The following TNFSF4 variants were observed in gnomAD, a reference collection of about 807,000 sequenced individuals.
TNFSF4 encodes the protein tumor necrosis factor ligand superfamily member 4.
Under a neutral mutation model 7.3 loss-of-function variants are expected in TNFSF4, and 4 were observed. That is an observed-to-expected ratio of 0.55 (90% CI 0.27 to 1.25). TNFSF4 has a LOEUF of 1.25. Among genes scored for constraint, TNFSF4 ranks in the 50% most tolerant of loss-of-function variants. The probability of loss-of-function intolerance (pLI) is 0.12; values close to 1 mark genes in which losing one functional copy is unlikely to be tolerated. For synonymous variants in TNFSF4, 76 were observed against 83.7 expected (o/e 0.91, Z 0.50); for missense variants, 181 against 208.8 (o/e 0.87, Z 0.82).
the TNFSF4 span, among the ~76,000 whole-genome samples, chr1:173,418,830 G>C: frequency 2.6e-5 from 4 of 152,180 alleles, no homozygotes; most frequent in Non-Finnish European, 4.4e-5. Context: ...CCCAGAGGTA[G>C]TGGCTGTGGA....
At chr1:173,430,044 C>A in the TNFSF4 span, among the ~76,000 whole-genome samples, 1 of 152,090 alleles carries the variant, frequency 6.6e-6, no homozygotes, top group African/African-American at 2.4e-5. Flanking sequence ...AGGGCCTCGC[C>A]CACAGCTGCT....
the TNFSF4 span, among the ~76,000 whole-genome samples, chr1:173,394,915 G>GAT: frequency 4.5e-3 from 669 of 150,124 alleles, 3 homozygotes; most frequent in African/African-American, 0.016. Flanking sequence ...TATTTAGATA[G>GAT]ATAGAGATAG....
the TNFSF4 span, among the ~76,000 whole-genome samples, chr1:173,432,060 C>G: frequency 6.6e-6 from 1 of 152,128 alleles, no homozygotes; most frequent in South Asian, 2.1e-4. Context: ...TGGCTAAGAC[C>G]TAAGAGGGTA....
At chr1:173,227,469 G>C in the TNFSF4 span, among the ~76,000 whole-genome samples, 14 of 152,310 alleles carry the variant, frequency 9.2e-5, no homozygotes, top group African/African-American at 3.4e-4. Context: ...AATAGGAACA[G>C]CTCCAGTCTA....
chr1:173,428,126 G>A, the TNFSF4 span, among the ~76,000 whole-genome samples: 1 of 151,642 alleles, frequency 6.6e-6, no homozygotes, highest in African/African-American at 2.4e-5. Flanking sequence ...TTTTATTTTA[G>A]TAAAGACAAT....
the TNFSF4 span, chr1:173,418,646 A>G: frequency 7.9e-5 from 12 of 152,186 alleles, no homozygotes; most frequent in African/African-American, 2.9e-4. Context: ...AAAAATTAAC[A>G]ACAAGAAAAT....
chr1:173,420,329 T>A, the TNFSF4 span, among the ~76,000 whole-genome samples: 1 of 152,164 alleles, frequency 6.6e-6, no homozygotes, highest in Non-Finnish European at 1.5e-5. Flanking sequence ...CACCATTTTC[T>A]CTCCTCCACC....
the TNFSF4 span, among the ~76,000 whole-genome samples, chr1:173,393,438 G>A: frequency 4.6e-5 from 7 of 152,090 alleles, no homozygotes; most frequent in South Asian, 6.3e-4. Context: ...TGCTCCTTTC[G>A]CCCTTTGCCA....
chr1:173,429,323 T>C, the TNFSF4 span, among the ~76,000 whole-genome samples: 4 of 152,172 alleles, frequency 2.6e-5, no homozygotes, highest in Non-Finnish European at 5.9e-5. Context: ...CTCCAAATAA[T>C]CTGCTCACAT....
At chr1:173,251,578 G>A in the TNFSF4 span, among the ~76,000 whole-genome samples, 1 of 152,166 alleles carries the variant, frequency 6.6e-6, no homozygotes, top group Non-Finnish European at 1.5e-5. Context: ...AGGAAGACAT[G>A]GTTTCAGTCC....
the TNFSF4 span, among the ~76,000 whole-genome samples, chr1:173,443,738 C>G: frequency 3.9e-5 from 6 of 152,132 alleles, no homozygotes; most frequent in African/African-American, 1.4e-4. Context: ...TGTTCCTCCA[C>G]TTTGGTCCTC....
chr1:173,224,160 C>T, the TNFSF4 span, among the ~76,000 whole-genome samples: 1 of 152,356 alleles, frequency 6.6e-6, no homozygotes, highest in East Asian at 1.9e-4. Context: ...GCTGTGCCAA[C>T]AGGTTACATC....
the TNFSF4 span, among the ~76,000 whole-genome samples, chr1:173,406,523 T>G: frequency 2.6e-5 from 4 of 152,204 alleles, no homozygotes; most frequent in Non-Finnish European, 2.9e-5. Flanking sequence ...CATGGACCCC[T>G]TCTTCCATTA....
chr1:173,394,206 A>C, the TNFSF4 span, among the ~76,000 whole-genome samples: 17 of 140,026 alleles, frequency 1.2e-4, no homozygotes, highest in Non-Finnish European at 2.4e-4. Context: ...ACATAGCAAA[A>C]CTCCATCTTT....
At chr1:173,247,395 C>A in the TNFSF4 span, among the ~76,000 whole-genome samples, 4,041 of 152,212 alleles carry the variant, frequency 0.027, 170 homozygotes, top group African/African-American at 0.092. Context: ...AAAGATACAT[C>A]TGAGCTGAGT....
At chr1:173,243,934 T>C in the TNFSF4 span, among the ~76,000 whole-genome samples, 1 of 152,228 alleles carries the variant, frequency 6.6e-6, no homozygotes, top group Non-Finnish European at 1.5e-5. Flanking sequence ...CTAGGAAATG[T>C]GTATCTTGAT....
At chr1:173,376,368 C>G in the TNFSF4 span, among the ~76,000 whole-genome samples, 1 of 152,038 alleles carries the variant, frequency 6.6e-6, no homozygotes, top group East Asian at 1.9e-4. Context: ...ATGTCCCCAC[C>G]CAAAGGTGGG....
At chr1:173,333,557 A>C in the TNFSF4 span, among the ~76,000 whole-genome samples, 2,132 of 152,118 alleles carry the variant, frequency 0.014, 21 homozygotes, top group Non-Finnish European at 0.023. Flanking sequence ...CCGTGATGGG[A>C]ATAGAACACT....
At chr1:173,173,898 C>T in the TNFSF4 span, among the ~76,000 whole-genome samples, 2 of 152,340 alleles carry the variant, frequency 1.3e-5, no homozygotes, top group African/African-American at 4.8e-5. Flanking sequence ...ACATTTTCTC[C>T]ATTGTCTTGG....
Sources: allele counts gnomAD v4.1 joint callset (sites outside exome capture counted in the v4.1 genomes callset), GRCh38; gene constraint gnomAD v4.1.1; transcripts MANE v1.5; gene names NCBI Gene and HGNC (gene_info 2026-07-23, HGNC 2026-07-21).